NRXN3: variants seen among roughly 807,000 people sequenced by gnomAD.
NRXN3 encodes the protein neurexin III.
In NRXN3, 32 loss-of-function variants were observed where a neutral mutation model predicts 137.6. The observed-to-expected ratio is 0.23, with a 90% CI of 0.18 to 0.31. The LOEUF is 0.31. NRXN3 is among the 10% of genes least tolerant of loss of function. The pLI is 1.00. For missense variants in NRXN3, 1,574 were observed against 2,062.5 expected (o/e 0.76, Z 4.59); for synonymous variants, 798 against 784.5 (o/e 1.02, Z -0.29).
intron 19 of NRXN3, among the ~76,000 whole-genome samples, chr14:79,774,271 G>A (rs2099089656): frequency 6.6e-6 from 1 of 152,136 alleles, no homozygotes; most frequent in Non-Finnish European, 1.5e-5. Flanking sequence ...GATCTGAAGT[G>A]ACAATGGTAT....
At chr14:78,240,463 G>T (rs773878181) in intron 1 of NRXN3, among the ~76,000 whole-genome samples, 6 of 152,196 alleles carry the variant, frequency 3.9e-5, no homozygotes, top group Non-Finnish European at 7.3e-5. Context: ...AAGGTTGCCA[G>T]ATAGGGACTG....
chr14:78,348,077 G>A (rs534925055), intron 4 of NRXN3, among the ~76,000 whole-genome samples: 11 of 152,144 alleles, frequency 7.2e-5, no homozygotes, highest in Non-Finnish European at 1.3e-4. Flanking sequence ...TAGGAAAAAC[G>A]TGTCGGAAGT....
chr14:79,384,346 A>G (rs1004419457), intron 15 of NRXN3, among the ~76,000 whole-genome samples: 8 of 152,146 alleles, frequency 5.3e-5, no homozygotes, highest in Non-Finnish European at 1.2e-4. Flanking sequence ...CTAGGATATA[A>G]TGGAAACGTG....
At chr14:78,390,239 A>G (rs1202241411) in intron 4 of NRXN3, among the ~76,000 whole-genome samples, 2 of 152,156 alleles carry the variant, frequency 1.3e-5, no homozygotes, top group Non-Finnish European at 2.9e-5. Flanking sequence ...TAAGCTCCTA[A>G]TTTGGCCCAC....
At chr14:78,245,285 C>G (rs555931312) in intron 2 of NRXN3, among the ~76,000 whole-genome samples, 2 of 152,312 alleles carry the variant, frequency 1.3e-5, no homozygotes, top group South Asian at 4.1e-4. Flanking sequence ...AAACTCCAGA[C>G]CACACCCCAG....
intron 4 of NRXN3, among the ~76,000 whole-genome samples, chr14:78,310,222 T>A (rs2077811506): frequency 6.6e-6 from 1 of 151,380 alleles, no homozygotes; most frequent in Non-Finnish European, 1.5e-5. Context: ...CTACTGTATA[T>A]CTAAGGTCAT....
chr14:79,404,948 G>T (rs2095280550), intron 15 of NRXN3, among the ~76,000 whole-genome samples: 2 of 152,144 alleles, frequency 1.3e-5, no homozygotes. Context: ...AAGCCAGTGG[G>T]TGGTGGTGAG....
chr14:78,348,531 C>T (rs1466414649), intron 4 of NRXN3, among the ~76,000 whole-genome samples: 2 of 152,176 alleles, frequency 1.3e-5, no homozygotes, highest in African/African-American at 4.8e-5. Flanking sequence ...GAGAAACTAA[C>T]ATCTTATTCT....
chr14:79,447,944 G>A (rs1488436983), intron 15 of NRXN3, among the ~76,000 whole-genome samples: 1 of 152,224 alleles, frequency 6.6e-6, no homozygotes, highest in Non-Finnish European at 1.5e-5. Flanking sequence ...CCAAGTCTGA[G>A]TTTTAATGTC....
chr14:78,182,237 T>A (rs1289115729), intron 1 of NRXN3, among the ~76,000 whole-genome samples: 1 of 152,024 alleles, frequency 6.6e-6, no homozygotes, highest in East Asian at 1.9e-4. Context: ...GAGCTAATGT[T>A]ATTATTGTTG....
chr14:78,871,910 A>G (rs1037232340), intron 10 of NRXN3, among the ~76,000 whole-genome samples: 1 of 152,038 alleles, frequency 6.6e-6, no homozygotes, highest in African/African-American at 2.4e-5. Flanking sequence ...CTTTTCTTTC[A>G]AGTTAAATCT....
intron 19 of NRXN3, among the ~76,000 whole-genome samples, chr14:79,705,112 T>C (rs17109785): frequency 0.032 from 4,886 of 152,214 alleles, 113 homozygotes; most frequent in African/African-American, 0.064. Context: ...ATTTACAGGA[T>C]GGAATTTCCA....
chr14:78,469,507 CTT>C (rs2095212804), intron 4 of NRXN3, among the ~76,000 whole-genome samples: 1 of 152,166 alleles, frequency 6.6e-6, no homozygotes, highest in Non-Finnish European at 1.5e-5. Flanking sequence ...GACAAAGTCT[CTT>C]TAAGTTCTTG....
intron 15 of NRXN3, among the ~76,000 whole-genome samples, chr14:79,167,720 T>A (rs2061405918): frequency 6.6e-6 from 1 of 151,916 alleles, no homozygotes; most frequent in African/African-American, 2.4e-5. Context: ...TCTTCTCACC[T>A]CTGGTTCACT....
chr14:79,477,953 G>C lies in NRXN3; in HGVS notation c.3444+10551G>C, dbSNP rs189832592. 6.5e-4 allele frequency among the ~76,000 whole-genome samples: 99 copies of C among 151,970 alleles called. No individual in the cohort carries two copies. The South Asian group carries it at 7.1e-3, about 11-fold the overall frequency. On this transcript the variant is annotated intron_variant, in intron 16 of 20. Coordinates refer to ENST00000335750, the MANE Select transcript of NRXN3 (RefSeq NM_001330195.2). Reference sequence around the variant, plus strand: ...GGGGACAGATAAGTAAAACAGATAAGAGTTTGACTTTAGTGATGCAAAACA... The same window carrying C: ...GGGGACAGATAAGTAAAACAGATAACAGTTTGACTTTAGTGATGCAAAACA...
chr14:78,524,526 C>T (rs1337129228), intron 4 of NRXN3, among the ~76,000 whole-genome samples: 1 of 152,156 alleles, frequency 6.6e-6, no homozygotes, highest in African/African-American at 2.4e-5. Context: ...CACCTAAGAC[C>T]GATTGAATCA....
At position 78,726,959 on chromosome 14, in the gene NRXN3, T is replaced by TAAAA. The variant is rs55802240; in HGVS notation, c.2044+11836_2044+11839dup. Among the ~76,000 whole-genome samples, 255 of 121,006 alleles carry TAAAA rather than the reference T, an allele frequency of 2.1e-3. 19 individuals carry two copies. Among genetic ancestry groups the TAAAA allele is most frequent in the Middle Eastern group, 4.4e-3 (1 of 228 alleles). 79.4% of individuals were successfully genotyped at this position (121,006 alleles called of 152,430 possible). A position where few individuals can be genotyped will look rare whatever the true frequency, so the allele number is the denominator to read the frequency against. ...TGGGAGCTATACAGGATTTATTCAC[T>TAAAA]AAAAAAAAAAAAAAAAAAACCTTCA... is the stretch of plus-strand genomic sequence containing the variant. On this transcript the variant is annotated intron_variant, in intron 8 of 20. Coordinates refer to ENST00000335750, the MANE Select transcript of NRXN3 (RefSeq NM_001330195.2).
intron 4 of NRXN3, among the ~76,000 whole-genome samples, chr14:78,614,291 A>G (rs2097326976): frequency 6.6e-6 from 1 of 152,190 alleles, no homozygotes; most frequent in South Asian, 2.1e-4. Context: ...TAGGGCATGT[A>G]TTGATCTGAA....
At chr14:78,883,936 A>G (rs2099136160) in intron 10 of NRXN3, among the ~76,000 whole-genome samples, 1 of 152,190 alleles carries the variant, frequency 6.6e-6, no homozygotes, top group Admixed American at 6.6e-5. Flanking sequence ...AGTTCTTTAA[A>G]TTTCTTTTGT....
Sources: gnomAD v4.1 joint callset for allele counts (sites outside exome capture counted in the v4.1 genomes callset) on GRCh38, gnomAD v4.1.1 for gene constraint, MANE v1.5 for transcripts, NCBI Gene and HGNC (gene_info 2026-07-23, HGNC 2026-07-21) for gene names.